CDH12: variants seen among roughly 807,000 people sequenced by gnomAD.
CDH12 encodes the protein cadherin-12.
A neutral mutation model predicts 74.1 loss-of-function variants in CDH12; 41 were observed. The ratio of observed to expected loss-of-function variants is 0.55; its 90% CI spans 0.43 to 0.72. The LOEUF is 0.72. CDH12 is among the 30% of genes least tolerant of loss of function. The pLI, the probability that CDH12 is intolerant of heterozygous loss-of-function variation, is 0.00. For missense variants in CDH12, 945 were observed against 977.2 expected (o/e 0.97, Z 0.44); for synonymous variants, 399 against 355.0 (o/e 1.12, Z -1.39).
At chr5:22,792,440 G>C (rs560244114) in intron 1 of CDH12, among the ~76,000 whole-genome samples, 3 of 152,256 alleles carry the variant, frequency 2.0e-5, no homozygotes, top group African/African-American at 7.2e-5. Context: ...TTTGACAGTG[G>C]TAAGATAGGT....
chr5:22,523,452 T>C (rs1041301867), intron 1 of CDH12, among the ~76,000 whole-genome samples: 1 of 152,232 alleles, frequency 6.6e-6, no homozygotes, highest in Non-Finnish European at 1.5e-5. Flanking sequence ...TGCATTTTTT[T>C]ACAACTGTCT....
intron 12 of CDH12, among the ~76,000 whole-genome samples, chr5:21,761,114 T>G (rs1214349856): frequency 6.6e-6 from 1 of 152,158 alleles, no homozygotes; most frequent in Non-Finnish European, 1.5e-5. Context: ...ATGGCTCTAT[T>G]TTCATAAATA....
chr5:21,798,093 C>G (rs975063359), intron 10 of CDH12, among the ~76,000 whole-genome samples: 5 of 151,978 alleles, frequency 3.3e-5, no homozygotes, highest in African/African-American at 1.2e-4. Context: ...ACCTGTAAAT[C>G]TATTCACCAG....
intron 1 of CDH12, among the ~76,000 whole-genome samples, chr5:22,843,688 T>C (rs1273083533): frequency 1.3e-5 from 2 of 151,632 alleles, no homozygotes; most frequent in African/African-American, 4.8e-5. Flanking sequence ...GTGAAGGCAC[T>C]GCAAAAATGT....
intron 2 of CDH12, among the ~76,000 whole-genome samples, chr5:22,458,786 G>T (rs978425946): frequency 1.3e-5 from 2 of 152,146 alleles, no homozygotes; most frequent in Non-Finnish European, 2.9e-5. Flanking sequence ...AGACTCAAAA[G>T]AGTTTCTTTC....
intron 1 of CDH12, among the ~76,000 whole-genome samples, chr5:22,787,919 T>A (rs1208544405): frequency 2.0e-5 from 3 of 152,120 alleles, no homozygotes; most frequent in Non-Finnish European, 4.4e-5. Context: ...TGTCATCTAA[T>A]CTTAGAGATG....
At chr5:21,974,594 A>G (rs1425612290) in intron 6 of CDH12, among the ~76,000 whole-genome samples, 3 of 152,114 alleles carry the variant, frequency 2.0e-5, no homozygotes, top group Non-Finnish European at 4.4e-5. Context: ...TGGGTTATTT[A>G]CCCTGAAAAG....
chr5:22,171,081 A>T (rs1310625454), intron 4 of CDH12, among the ~76,000 whole-genome samples: 3 of 151,896 alleles, frequency 2.0e-5, no homozygotes, highest in Non-Finnish European at 2.9e-5. Flanking sequence ...GGAAAGAAAC[A>T]ATCCAAGAAT....
Position 22,648,999 on chromosome 5 carries a change from C to T in CDH12, c.-522-143635G>A, listed in dbSNP as rs532804685. ...AGAAATGCTAATTATGAATATATGA[C>T]ATTTTAAAATATCCAAAGTGAAAAA... is the stretch of plus-strand genomic sequence containing the variant. On this transcript the variant is annotated intron_variant, in intron 1 of 14. Coordinates refer to ENST00000382254, the MANE Select transcript of CDH12 (RefSeq NM_004061.5). 6.6e-5 allele frequency among the ~76,000 whole-genome samples: 10 copies of T among 150,534 alleles called. No individual in the cohort carries two copies. The South Asian group carries it at 1.9e-3, about 28-fold the overall frequency.
intron 1 of CDH12, among the ~76,000 whole-genome samples, chr5:22,517,074 G>A (rs1248800660): frequency 6.6e-6 from 1 of 151,816 alleles, no homozygotes; most frequent in African/African-American, 2.4e-5. Context: ...TTATATATCA[G>A]TAGGAGAATA....
chr5:21,960,322 A>G lies in CDH12; in HGVS notation c.526+14769T>C, dbSNP rs187049469. Among the ~76,000 whole-genome samples, 1,091 of 152,250 alleles carry G rather than the reference A, an allele frequency of 7.2e-3. 16 individuals carry two copies. The highest frequency in any genetic ancestry group is 0.025 in the African/African-American group (1,043 of 41,560). ...GTGGTCCATATGTAAGTCTTTTGAA[A>G]GTGGCAGCATCTCTACTGCTTATGC... On this transcript the variant is annotated intron_variant, in intron 6 of 14. Transcript: ENST00000382254.
At chr5:21,939,718 T>C (rs1579992324) in intron 6 of CDH12, among the ~76,000 whole-genome samples, 2 of 152,200 alleles carry the variant, frequency 1.3e-5, no homozygotes, top group Non-Finnish European at 2.9e-5. Flanking sequence ...GACTAAAATA[T>C]GCATTTGTGC....
intron 1 of CDH12, among the ~76,000 whole-genome samples, chr5:22,710,495 A>G (rs1051920325): frequency 6.6e-6 from 1 of 152,176 alleles, no homozygotes; most frequent in African/African-American, 2.4e-5. Flanking sequence ...AGTTTCTACC[A>G]TGTGCAAATG....
At chr5:22,181,226 T>C (rs1394899988) in intron 4 of CDH12, among the ~76,000 whole-genome samples, 1 of 152,178 alleles carries the variant, frequency 6.6e-6, no homozygotes, top group Non-Finnish European at 1.5e-5. Flanking sequence ...GGGTCACGTA[T>C]AAAGTTCCAT....
At chr5:22,090,584 T>A (rs562616212) in intron 4 of CDH12, among the ~76,000 whole-genome samples, 55 of 145,884 alleles carry the variant, frequency 3.8e-4, no homozygotes, top group Middle Eastern at 3.6e-3. Context: ...CTTGACAAGA[T>A]AAACACACAC....
chr5:21,922,718 C>T (rs1726871628), intron 6 of CDH12, among the ~76,000 whole-genome samples: 1 of 151,966 alleles, frequency 6.6e-6, no homozygotes, highest in African/African-American at 2.4e-5. Flanking sequence ...CACCCTATTC[C>T]CTTATTTTTC....
chr5:22,279,500 T>C (rs892326613), intron 3 of CDH12, among the ~76,000 whole-genome samples: 1 of 152,170 alleles, frequency 6.6e-6, no homozygotes, highest in Non-Finnish European at 1.5e-5. Context: ...ACATTAGGTA[T>C]ATCTCCTAAT....
intron 3 of CDH12, among the ~76,000 whole-genome samples, chr5:22,266,772 G>A (rs1315906465): frequency 6.6e-6 from 1 of 152,084 alleles, no homozygotes; most frequent in Non-Finnish European, 1.5e-5. Context: ...TCAGAAAAAA[G>A]TAAAAGATTC....
At chr5:22,481,700 A>T (rs1420969040) in intron 2 of CDH12, among the ~76,000 whole-genome samples, 1 of 152,188 alleles carries the variant, frequency 6.6e-6, no homozygotes, top group Non-Finnish European at 1.5e-5. Flanking sequence ...TGATGGAAGG[A>T]AGACATAAGG....
Sources: allele counts gnomAD v4.1 joint callset (sites outside exome capture counted in the v4.1 genomes callset), GRCh38; gene constraint gnomAD v4.1.1; transcripts MANE v1.5; gene names NCBI Gene and HGNC (gene_info 2026-07-23, HGNC 2026-07-21).